EHMT1: variants seen among roughly 807,000 people sequenced by gnomAD.
EHMT1 encodes the protein histone-lysine N-methyltransferase EHMT1.
In EHMT1, 15 loss-of-function variants were observed where a neutral mutation model predicts 147.2. The observed-to-expected ratio is 0.10, with a 90% CI of 0.07 to 0.16. The LOEUF (loss-of-function observed/expected upper bound fraction) is 0.16, where lower values mean the gene tolerates loss of function less well. Ranked by LOEUF, EHMT1 falls within the 10% of genes least tolerant of loss-of-function variation. The pLI, the probability that EHMT1 is intolerant of heterozygous loss-of-function variation, is 1.00. For missense variants in EHMT1, 1,587 were observed against 1,772.4 expected (o/e 0.90, Z 1.88); for synonymous variants, 795 against 709.6 (o/e 1.12, Z -1.91).
At position 137,813,970 on chromosome 9, in the gene EHMT1, C is replaced by G. The variant is rs781368206; in HGVS notation, c.3180+440C>G. On this transcript the variant is annotated intron_variant, in intron 21 of 26. Transcript: ENST00000460843. The surrounding 1 kb of genome is among the most constrained non-coding windows in gnomAD (Gnocchi z 4.9). ...CTCCGAGTGCATGCAGCCTGGTGCCCTCACTGCTTGCGCCTTCTCGAGCAC... is the reference window on the plus strand; with the variant it reads ...CTCCGAGTGCATGCAGCCTGGTGCCGTCACTGCTTGCGCCTTCTCGAGCAC... Among the ~76,000 whole-genome samples the G allele has an allele frequency of 1.3e-5, 2 of 151,576 alleles. No individual in the cohort carries two copies. Among genetic ancestry groups the G allele is most frequent in the Admixed American group, 6.6e-5 (1 of 15,244 alleles).
In EHMT1 at chr9:137,787,448, G is replaced by T. The variant is rs1952071535; in HGVS notation, c.2383-3400G>T. 6.6e-6 allele frequency among the ~76,000 whole-genome samples: 1 copy of T among 152,208 alleles called. No homozygotes were observed. On this transcript the variant is annotated intron_variant, in intron 15 of 26. Coordinates refer to ENST00000460843, the MANE Select transcript of EHMT1 (RefSeq NM_024757.5). This position sits in a 1 kb window ranked among gnomAD's most constrained non-coding sequence, Gnocchi z 4.2. The stretch of plus-strand genomic sequence containing the variant: ...CTGCCTCCCACAGCCTTGCCTCTGG[G>T]TGTAGGGGAAACAGAGGCATGACTG...
At chr9:137,805,768 T>C (rs1326139276) in intron 18 of EHMT1, among the ~76,000 whole-genome samples, 1 of 152,128 alleles carries the variant, frequency 6.6e-6, no homozygotes, top group African/African-American at 2.4e-5. Context: ...GTTCGAGCTA[T>C]TCTCATGCCT....
At position 137,813,469 on chromosome 9, in the gene EHMT1, A is replaced by G. The variant is rs1203599624; in HGVS notation, c.3119A>G (p.Tyr1040Cys). The G allele has an allele frequency of 6.2e-7, 1 of 1,613,950 alleles. No individual in the cohort carries two copies. The highest frequency in any genetic ancestry group is 8.5e-7 in the Non-Finnish European group (1 of 1,180,036). The change falls in exon 21 of 27, where the codon TAC (tyrosine) becomes TGC (cysteine). Residue 1040 changes from tyrosine to cysteine, a missense_variant. By Grantham distance (194) the Tyr-to-Cys change is radical (BLOSUM62 -2). Around this residue, in one of 7 missense-constraint regions of EHMT1, gnomAD observed 156 missense variants for 252.5 expected, o/e 0.62. Coordinates refer to ENST00000460843, the MANE Select transcript of EHMT1 (RefSeq NM_024757.5). This position sits in a 1 kb window ranked among gnomAD's most constrained non-coding sequence, Gnocchi z 4.9. Reference protein sequence around the residue: ...DSEPCPSNYKYVSQNCVTSPM... With the variant: ...DSEPCPSNYKCVSQNCVTSPM... ...GAGCCATGCCCCAGCAACTACAAGTACGTCTCTCAGAACTGCGTGACGTCC... is the reference window on the plus strand; with the variant it reads ...GAGCCATGCCCCAGCAACTACAAGTGCGTCTCTCAGAACTGCGTGACGTCC...
rs144323841 is a variant in EHMT1, at chr9:137,716,930, G to T, written c.390G>T (p.Pro130=). The T allele has an allele frequency of 3.6e-4, 585 of 1,612,916 alleles. 1 individual carries two copies. The highest frequency in any genetic ancestry group is 6.7e-4 in the Admixed American group (40 of 59,994). ...GCAACGGATACATCTTAAATAAGCC[G>T]GCCCTACAGGCACAGCCCTTGAGGA... ...IGSNGYILNK[P]ALQAQPLRTT... The change falls in exon 3 of 27, where the codon CCG becomes CCT. Residue 130 remains proline, a synonymous_variant. Coordinates refer to ENST00000460843, the MANE Select transcript of EHMT1 (RefSeq NM_024757.5).
chr9:137,652,546 C>T (rs1192577513), intron 1 of EHMT1, among the ~76,000 whole-genome samples: 1 of 151,320 alleles, frequency 6.6e-6, no homozygotes, highest in Non-Finnish European at 1.5e-5. Context: ...CCACCACGCC[C>T]AGCTAGTTTT....
Position 137,646,600 on chromosome 9 carries a change from C to T in EHMT1, c.21+27551C>T, listed in dbSNP as rs1218443113. Among the ~76,000 whole-genome samples, 14 of 122,870 alleles carry T rather than the reference C, an allele frequency of 1.1e-4. No individual in the cohort carries two copies. In the South Asian group the frequency reaches 3.9e-3, roughly 34 times the overall value. The allele number at this position is 122,870 out of a possible 152,430, so 80.6% of individuals were successfully genotyped here. A position where few individuals can be genotyped will look rare whatever the true frequency, so the allele number is the denominator to read the frequency against. The stretch of plus-strand genomic sequence containing the variant: ...TCTGGGGTGGTCTGGGGGAGGCCCA[C>T]GTGCATGTGGGCTGGGGTGGCCTGG... On this transcript the variant is annotated intron_variant, in intron 1 of 26. Transcript: ENST00000460843.
At chr9:137,678,908 G>A (rs1941664375) in intron 1 of EHMT1, among the ~76,000 whole-genome samples, 1 of 152,048 alleles carries the variant, frequency 6.6e-6, no homozygotes, top group Non-Finnish European at 1.5e-5. Context: ...GCTACTCAGA[G>A]CAGTGTGCAG....
rs759851789 is a variant in EHMT1, at chr9:137,776,583, A to G, written c.1792-35A>G. 5 of 1,611,104 alleles carry G rather than the reference A, an allele frequency of 3.1e-6. No homozygotes were observed. The South Asian group carries it at 5.5e-5, about 18-fold the overall frequency. ...ATTTTTCTAAATATTAACCCCAATTAAAACAAAAATTTTTTTTTGTCCTCC... is the reference window on the plus strand; with the variant it reads ...ATTTTTCTAAATATTAACCCCAATTGAAACAAAAATTTTTTTTTGTCCTCC... On this transcript the variant is annotated intron_variant, in intron 11 of 26. Transcript: ENST00000460843. This position sits in a 1 kb window ranked among gnomAD's most constrained non-coding sequence, Gnocchi z 4.4.
At chr9:137,653,562 C>G (rs1938097077) in intron 1 of EHMT1, among the ~76,000 whole-genome samples, 1 of 151,652 alleles carries the variant, frequency 6.6e-6, no homozygotes, top group South Asian at 2.1e-4. Context: ...GAGTTTTGCT[C>G]TTGTCGCCCA....
At chr9:137,821,547 G>C (rs1361467766) in intron 25 of EHMT1, among the ~76,000 whole-genome samples, 1 of 151,776 alleles carries the variant, frequency 6.6e-6, no homozygotes, top group Non-Finnish European at 1.5e-5. Flanking sequence ...GCCCAGGCTC[G>C]TCTCAAATTC....
chr9:137,803,722 A>C (rs1431062219), intron 18 of EHMT1, among the ~76,000 whole-genome samples: 2 of 151,874 alleles, frequency 1.3e-5, no homozygotes, highest in Non-Finnish European at 2.9e-5. Context: ...ATGGTGACAC[A>C]CACCTGTGGT....
In EHMT1 at chr9:137,787,513, C is replaced by A. The variant is rs906793305; in HGVS notation, c.2383-3335C>A. 3.5e-4 allele frequency among the ~76,000 whole-genome samples: 54 copies of A among 152,330 alleles called. No homozygotes were observed. Among genetic ancestry groups the A allele is most frequent in the African/African-American group, 1.2e-3 (50 of 41,574 alleles). ...CGTGCCCAGCTCGGCCACGGCCACACGTGGGGTAGTTAGTAAACACCATGG... is the reference window on the plus strand; with the variant it reads ...CGTGCCCAGCTCGGCCACGGCCACAAGTGGGGTAGTTAGTAAACACCATGG... On this transcript the variant is annotated intron_variant, in intron 15 of 26. Transcript: ENST00000460843. The surrounding 1 kb of genome is among the most constrained non-coding windows in gnomAD (Gnocchi z 4.2).
intron 14 of EHMT1, among the ~76,000 whole-genome samples, chr9:137,780,530 G>C (rs548411408): frequency 7.1e-6 from 1 of 141,232 alleles, no homozygotes; most frequent in African/African-American, 2.7e-5. Flanking sequence ...GGGATGTGTG[G>C]TGATGACGCT....
At chr9:137,635,369 G>T (rs1049127461) in intron 1 of EHMT1, among the ~76,000 whole-genome samples, 3 of 150,822 alleles carry the variant, frequency 2.0e-5, no homozygotes, top group Admixed American at 6.6e-5. Context: ...GCCACGCCCA[G>T]CTAATTTTTT....
At position 137,754,219 on chromosome 9, in the gene EHMT1, A is replaced by T; in HGVS notation, c.1297A>T (p.Thr433Ser). ...KKKFLKRKGK[T>S]DSPWIKPARK... ...GAAATTTCTCAAGAGGAAAGGAAAG[A>T]CCGACAGTCCCTGGATCAAGCCAGC... The change falls in exon 8 of 27, where the codon ACC becomes TCC. Residue 433 changes from threonine (T) to serine (S), a missense_variant. Physicochemically the swap from Thr to Ser is moderately conservative, Grantham distance 58. Transcript: ENST00000460843. 2.5e-6 allele frequency: 4 copies of T among 1,614,142 alleles called. No individual in the cohort carries two copies. The highest frequency in any genetic ancestry group is 3.4e-6 in the Non-Finnish European group (4 of 1,180,014).
chr9:137,686,102 A>G (rs552594486), intron 1 of EHMT1, among the ~76,000 whole-genome samples: 4 of 152,082 alleles, frequency 2.6e-5, no homozygotes, highest in South Asian at 2.1e-4. Context: ...TATTTTCCAG[A>G]TACTGGGCCC....
chr9:137,830,522 C>T (rs937519658), intron 25 of EHMT1, among the ~76,000 whole-genome samples: 2 of 152,202 alleles, frequency 1.3e-5, no homozygotes, highest in Non-Finnish European at 1.5e-5. Context: ...ATATTTGCAT[C>T]TCTTACAATA....
At chr9:137,652,617 C>G (rs1021633351) in intron 1 of EHMT1, among the ~76,000 whole-genome samples, 1 of 151,910 alleles carries the variant, frequency 6.6e-6, no homozygotes, top group Non-Finnish European at 1.5e-5. Flanking sequence ...AACTCCTGAC[C>G]TCAGGTGATC....
chr9:137,789,536 T>C (rs1952336476), intron 15 of EHMT1, among the ~76,000 whole-genome samples: 1 of 152,172 alleles, frequency 6.6e-6, no homozygotes, highest in African/African-American at 2.4e-5. Context: ...TACCTTCAGG[T>C]TTGGCAGCCG....
Sources: allele counts gnomAD v4.1 joint callset (sites outside exome capture counted in the v4.1 genomes callset), GRCh38; gene constraint gnomAD v4.1.1; regional missense constraint gnomAD v4.1.1; non-coding constraint Gnocchi (gnomAD v3.1); transcripts MANE v1.5; gene names NCBI Gene and HGNC (gene_info 2026-07-23, HGNC 2026-07-21).